The following UTRN variants were observed in gnomAD, a reference collection of about 807,000 sequenced individuals.
The protein encoded by UTRN is dystrophin-related protein 1.
In UTRN, 283 loss-of-function variants were observed where a neutral mutation model predicts 463.9. That is an observed-to-expected ratio of 0.61 (90% CI 0.55 to 0.67). UTRN has a LOEUF of 0.67. UTRN is among the 30% of genes least tolerant of loss of function. The pLI is 0.00. For synonymous variants in UTRN, 1,442 were observed against 1,431.5 expected (o/e 1.01, Z -0.17); for missense variants, 3,922 against 4,084.3 (o/e 0.96, Z 1.08).
At chr6:144,356,530 C>T (rs926961549) in intron 2 of UTRN, among the ~76,000 whole-genome samples, 3 of 152,142 alleles carry the variant, frequency 2.0e-5, no homozygotes, top group Non-Finnish European at 4.4e-5. Flanking sequence ...TTTGTTATTT[C>T]TGATAACTTT....
chr6:144,315,294 T>A (rs1214351568), intron 2 of UTRN, among the ~76,000 whole-genome samples: 2 of 152,146 alleles, frequency 1.3e-5, no homozygotes, highest in Non-Finnish European at 2.9e-5. Flanking sequence ...GCCTGAACAG[T>A]GGCTTATCTT....
chr6:144,611,615 C>T (rs1224186397), intron 51 of UTRN, among the ~76,000 whole-genome samples: 1 of 152,014 alleles, frequency 6.6e-6, no homozygotes, highest in Middle Eastern at 3.2e-3. Context: ...ACAGTAGCAA[C>T]AACAACAAAA....
intron 2 of UTRN, chr6:144,330,769 G>C: frequency 1.0e-6 from 1 of 965,318 alleles, no homozygotes; most frequent in Non-Finnish European, 1.2e-6. Flanking sequence ...GCAGGAATGT[G>C]ACCATTCTGG....
At chr6:144,314,197 G>C (rs1468832457) in intron 2 of UTRN, among the ~76,000 whole-genome samples, 1 of 152,040 alleles carries the variant, frequency 6.6e-6, no homozygotes. Context: ...TAAAAACTAA[G>C]ATTCACTTTG....
intron 54 of UTRN, among the ~76,000 whole-genome samples, chr6:144,732,241 T>TATATATATATATATATATATATATACAC: frequency 4.2e-5 from 1 of 23,904 alleles, no homozygotes; most frequent in African/African-American, 1.4e-4. Flanking sequence ...TATATATACA[T>TATATATATATATATATATATATATACAC]ATATATATAT....
chr6:144,610,179 T>A (rs1805337144), intron 51 of UTRN, among the ~76,000 whole-genome samples: 1 of 142,566 alleles, frequency 7.0e-6, no homozygotes, highest in Admixed American at 6.9e-5. Context: ...AACAGACCAT[T>A]AGCTAGACTA....
At position 144,777,688 on chromosome 6, in the gene UTRN, CG is replaced by C. The variant is rs545511103; in HGVS notation, c.8632+3325del. ...AGAAAAGCAAAAGGGAAGTATGTTCCGAGGAGGGGGAGAGTCCTCTCATTAT... is the reference window on the plus strand; with the variant it reads ...AGAAAAGCAAAAGGGAAGTATGTTCCAGGAGGGGGAGAGTCCTCTCATTAT... On this transcript the variant is annotated intron_variant, in intron 60 of 74. Coordinates refer to ENST00000367545, the MANE Select transcript of UTRN (RefSeq NM_007124.3). Among the ~76,000 whole-genome samples, 379 of 152,170 alleles carry C rather than the reference CG, an allele frequency of 2.5e-3. 4 individuals are homozygous for C. Among genetic ancestry groups the C allele is most frequent in the African/African-American group, 8.6e-3 (356 of 41,504 alleles).
intron 21 of UTRN, among the ~76,000 whole-genome samples, chr6:144,460,969 G>A (rs1048146625): frequency 1.3e-5 from 2 of 152,192 alleles, no homozygotes; most frequent in South Asian, 4.1e-4. Context: ...AAAAATTATA[G>A]TGGGTTAGTT....
At chr6:144,390,713 T>C (rs1781830515) in intron 2 of UTRN, among the ~76,000 whole-genome samples, 1 of 152,228 alleles carries the variant, frequency 6.6e-6, no homozygotes, top group Admixed American at 6.5e-5. Flanking sequence ...AAGATCTAGC[T>C]CAAATGCAAC....
chr6:144,636,933 G>A (rs1777234730), intron 51 of UTRN, among the ~76,000 whole-genome samples: 1 of 152,022 alleles, frequency 6.6e-6, no homozygotes, highest in South Asian at 2.1e-4. Context: ...TTGTGATGAG[G>A]TGGTTGAAAT....
intron 51 of UTRN, among the ~76,000 whole-genome samples, chr6:144,594,452 C>T (rs1469142478): frequency 1.3e-5 from 2 of 152,124 alleles, no homozygotes; most frequent in Non-Finnish European, 2.9e-5. Flanking sequence ...ATTGTAAACT[C>T]TTGAATTTGG....
At chr6:144,682,463 C>T (rs376128038) in intron 52 of UTRN, among the ~76,000 whole-genome samples, 1 of 152,152 alleles carries the variant, frequency 6.6e-6, no homozygotes, top group Non-Finnish European at 1.5e-5. Context: ...GATATTTCTG[C>T]GATATACTGA....
At chr6:144,377,017 T>C (rs1208760910) in intron 2 of UTRN, among the ~76,000 whole-genome samples, 1 of 152,178 alleles carries the variant, frequency 6.6e-6, no homozygotes, top group African/African-American at 2.4e-5. Flanking sequence ...TATATATTTT[T>C]CTATACCAAG....
At chr6:144,785,244 A>G (rs1400105176) in intron 61 of UTRN, among the ~76,000 whole-genome samples, 1 of 152,120 alleles carries the variant, frequency 6.6e-6, no homozygotes, top group Non-Finnish European at 1.5e-5. Flanking sequence ...CTAATCATAT[A>G]CCCGTGACTG....
intron 23 of UTRN, among the ~76,000 whole-genome samples, chr6:144,465,463 G>T (rs1562441960): frequency 6.6e-6 from 1 of 152,122 alleles, no homozygotes; most frequent in Non-Finnish European, 1.5e-5. Context: ...GTGTGTGTCT[G>T]GATATGTAAG....
intron 65 of UTRN, among the ~76,000 whole-genome samples, chr6:144,818,373 T>A (rs1167064996): frequency 6.6e-6 from 1 of 152,150 alleles, no homozygotes; most frequent in Non-Finnish European, 1.5e-5. Flanking sequence ...TGAAAACCAC[T>A]GAAGTGTAAA....
rs1195894735 is a variant in UTRN at position 144,492,482 on chromosome 6, G to T, written c.4438-819G>T. 2.0e-5 allele frequency among the ~76,000 whole-genome samples: 3 copies of T among 152,082 alleles called. No individual in the cohort carries two copies. In the East Asian group the frequency reaches 5.8e-4, roughly 29 times the overall value. ...TTGTGTGTAGTGGTGTGATAAACAC[G>T]GGAGTGCATGTGTCCTTTTGGTAGA... On this transcript the variant is annotated intron_variant, in intron 32 of 74. Coordinates refer to ENST00000367545, the MANE Select transcript of UTRN (RefSeq NM_007124.3).
At chr6:144,646,651 T>C (rs1224286119) in intron 51 of UTRN, among the ~76,000 whole-genome samples, 1 of 152,082 alleles carries the variant, frequency 6.6e-6, no homozygotes, top group Non-Finnish European at 1.5e-5. Flanking sequence ...GAGGTTTTCC[T>C]AAGTCAAGAA....
intron 54 of UTRN, among the ~76,000 whole-genome samples, chr6:144,745,692 A>G (rs1790657553): frequency 6.6e-6 from 1 of 152,216 alleles, no homozygotes; most frequent in Non-Finnish European, 1.5e-5. Context: ...CAAGACAAAG[A>G]ACCCATGGGC....
Sources: gnomAD v4.1 joint callset for allele counts (sites outside exome capture counted in the v4.1 genomes callset) on GRCh38, gnomAD v4.1.1 for gene constraint, MANE v1.5 for transcripts, NCBI Gene and HGNC (gene_info 2026-07-23, HGNC 2026-07-21) for gene names.